Variants in MDN1 observed in about 807,000 individuals in gnomAD.
The protein encoded by MDN1 is midasin.
A neutral mutation model predicts 669.2 loss-of-function variants in MDN1; 266 were observed. The observed-to-expected ratio is 0.40, with a 90% CI of 0.36 to 0.44. The LOEUF (loss-of-function observed/expected upper bound fraction) is 0.44. Ranked by LOEUF, MDN1 falls within the 20% of genes least tolerant of loss-of-function variation. The pLI is 1.00. For missense variants in MDN1, 5,940 were observed against 6,754.0 expected, an observed-to-expected ratio of 0.88 and a Z score of 4.22; for synonymous variants, 2,385 against 2,457.1, an observed-to-expected ratio of 0.97 and a Z score of 0.87.
intron 15 of MDN1, among the ~76,000 whole-genome samples, chr6:89,764,415 G>A (rs1322987457): frequency 2.0e-5 from 3 of 152,078 alleles, no homozygotes; most frequent in Admixed American, 6.5e-5. Flanking sequence ...CACCACCGTG[G>A]GCAACATGGT....
Position 89,712,072 on chromosome 6 carries a change from G to A in MDN1, c.7615C>T (p.Leu2539Phe). 1 of 1,614,116 alleles carries A rather than the reference G, an allele frequency of 6.2e-7. No homozygotes were observed. Among genetic ancestry groups the A allele is most frequent in the Non-Finnish European group, 8.5e-7 (1 of 1,179,998 alleles). Residue 2539 changes from leucine to phenylalanine, a missense_variant, in exon 49 of 102, where the codon CTT becomes TTT. Physicochemically the swap from Leu to Phe is conservative, Grantham distance 22. Transcript: ENST00000369393. ...GGTATATTCTTGGCTAAATGATAAA[G>A]CCATTTAACTCTGAGCATCCAATCC... The part of the protein sequence containing the change: ...NQDWMLRVKW[L>F]YHLAKNIPQG...
chr6:89,743,712 C>T lies in MDN1; in HGVS notation c.4181G>A (p.Cys1394Tyr), dbSNP rs180858298. ...EPVLLVGDTG[C>Y]GKTTICQVFA... ...TACCTGACAGATAGTAGTTTTCCCA[C>T]ACCTGTTAGAGATGTGCAACTGATT... The change falls in exon 30 of 102, where the codon TGT (cysteine) becomes TAT (tyrosine). Residue 1394 changes from cysteine to tyrosine, a missense_variant and splice_region_variant. Cys to Tyr is a radical substitution (Grantham distance 194). Around this residue, in one of 5 missense-constraint regions of MDN1, gnomAD observed 2,292 missense variants for 2,638.3 expected, o/e 0.87. Transcript: ENST00000369393. The T allele has an allele frequency of 6.2e-7, 1 of 1,613,766 alleles. No individual in the cohort carries two copies. The highest frequency in any genetic ancestry group is 1.7e-5 in the Admixed American group (1 of 59,962).
At chr6:89,742,753 G>T (rs1445879872) in intron 31 of MDN1, among the ~76,000 whole-genome samples, 1 of 152,130 alleles carries the variant, frequency 6.6e-6, no homozygotes, top group Non-Finnish European at 1.5e-5. Flanking sequence ...AAAATATTAA[G>T]AGAGTAGGGA....
At position 89,658,761 on chromosome 6, in the gene MDN1, A is replaced by G; in HGVS notation, c.14870T>C (p.Met4957Thr). 1 of 1,613,780 alleles carries G rather than the reference A, an allele frequency of 6.2e-7. No individual in the cohort carries two copies. Among genetic ancestry groups the G allele is most frequent in the Non-Finnish European group, 8.5e-7 (1 of 1,179,956 alleles). The change falls in exon 89 of 102, where the codon ATG becomes ACG. Residue 4957 changes from methionine (M) to threonine (T), a missense_variant. By Grantham distance (81) the Met-to-Thr change is moderately conservative. Transcript: ENST00000369393. ...ATCTTGGTCATCAGCTCCTGTGTCC[A>G]TTTCCTCTTCCCCTTCTGCCTTGTC... ...EDDKAEGEEE[M>T]DTGADDQDGD...
At position 89,715,821 on chromosome 6, in the gene MDN1, T is replaced by G; in HGVS notation, c.6744-52A>C. ...ATAGGCTGACATGCTGCATTGACTCTTCTTTCCTTCCATGCACGGGGCTCC... is the reference window on the plus strand; with the variant it reads ...ATAGGCTGACATGCTGCATTGACTCGTCTTTCCTTCCATGCACGGGGCTCC... On this transcript the variant is annotated intron_variant, in intron 44 of 101. Transcript: ENST00000369393. 2.5e-6 allele frequency: 3 copies of G among 1,199,020 alleles called. No homozygotes were observed. The South Asian group carries it at 3.6e-5, about 15-fold the overall frequency. 74.3% of individuals were successfully genotyped at this position (1,199,020 alleles called of 1,614,324 possible).
At position 89,712,250 on chromosome 6, in the gene MDN1, C is replaced by G; in HGVS notation, c.7437G>C (p.Gln2479His). The change falls in exon 49 of 102, where the codon CAG (glutamine) becomes CAC (histidine). Residue 2479 changes from glutamine (Q) to histidine (H), a missense_variant. Gln to His is a conservative substitution (Grantham distance 24). Around this residue, in one of 5 missense-constraint regions of MDN1, gnomAD observed 2,292 missense variants for 2,638.3 expected, o/e 0.87. Coordinates refer to ENST00000369393, the MANE Select transcript of MDN1 (RefSeq NM_014611.3). ...TCTCTAAGTCTTGCAAGGTAAAAGG[C>G]TGACTCCTGAAATTCATTTGAATGA... Reference protein sequence around the residue: ...SMKTSSWTRSQPFTLQDLEKI... With the variant: ...SMKTSSWTRSHPFTLQDLEKI... 6.2e-7 allele frequency: 1 copy of G among 1,612,988 alleles called. No homozygotes were observed. The highest frequency in any genetic ancestry group is 8.5e-7 in the Non-Finnish European group (1 of 1,179,280).
intron 1 of MDN1, chr6:89,815,076 C>G: frequency 2.2e-6 from 1 of 462,580 alleles, no homozygotes; most frequent in Non-Finnish European, 4.2e-6. Context: ...GTCTCCCCAA[C>G]TCACAGCCTG....
Position 89,692,823 on chromosome 6 carries a change from A to C in MDN1, c.10207T>G (p.Ser3403Ala). The C allele has an allele frequency of 1.2e-6, 2 of 1,614,220 alleles. No individual in the cohort carries two copies. The highest frequency in any genetic ancestry group is 1.7e-6 in the Non-Finnish European group (2 of 1,180,042). Residue 3403 changes from serine to alanine, a missense_variant, in exon 63 of 102, where the codon TCC becomes GCC. Ser to Ala is a moderately conservative substitution (Grantham distance 99, BLOSUM62 1). Transcript: ENST00000369393. ...YPDAVSPLQA[S>A]ILQLQHGMRL... ...ATGCCATGTTGTAACTGCAATATGG[A>C]TGCCTGCAGTGGGCTCACGGCATCT...
At chr6:89,702,187 A>G (rs1813205430) in intron 53 of MDN1, 126 bp from the exon 54 acceptor site, 1 of 880,244 alleles carries the variant, frequency 1.1e-6, no homozygotes, top group African/African-American at 1.7e-5. Context: ...CATAGGCTAT[A>G]ATTGCTAATC....
At position 89,701,996 on chromosome 6, in the gene MDN1, G is replaced by C; in HGVS notation, c.8214C>G (p.Ala2738=). 5 of 1,613,730 alleles carry C rather than the reference G, an allele frequency of 3.1e-6. No individual in the cohort carries two copies. Among genetic ancestry groups the C allele is most frequent in the Non-Finnish European group, 4.2e-6 (5 of 1,179,756 alleles). Reference sequence around the variant, plus strand: ...GGAGGGCAAGAAGGGCCAGACCTGGGGCATCTACTTTTACTGTGTCGGCCA... The same window carrying C: ...GGAGGGCAAGAAGGGCCAGACCTGGCGCATCTACTTTTACTGTGTCGGCCA... The part of the protein sequence containing the change: ...WTVADTVKVD[A]PGLALLALHW... Residue 2738 remains alanine (A), a synonymous_variant, in exon 54 of 102, where the codon GCC becomes GCG. Transcript: ENST00000369393.
intron 31 of MDN1, among the ~76,000 whole-genome samples, chr6:89,740,624 T>C (rs1414237191): frequency 6.6e-6 from 1 of 152,160 alleles, no homozygotes; most frequent in Non-Finnish European, 1.5e-5. Flanking sequence ...GTCTTAAAAA[T>C]GAATAACTTA....
intron 2 of MDN1, among the ~76,000 whole-genome samples, chr6:89,798,952 A>G (rs1403900639): frequency 6.6e-6 from 1 of 152,228 alleles, no homozygotes; most frequent in African/African-American, 2.4e-5. Context: ...AAGAAAAAGG[A>G]AAATAGGTAT....
chr6:89,757,643 C>A (rs975367947), intron 19 of MDN1, among the ~76,000 whole-genome samples: 2 of 152,142 alleles, frequency 1.3e-5, no homozygotes, highest in Admixed American at 1.3e-4. Flanking sequence ...AATCTAAAAA[C>A]GAAGTCTTGG....
In MDN1 at chr6:89,797,528, C is replaced by T. The variant is rs563554511; in HGVS notation, c.330-2727G>A. On this transcript the variant is annotated intron_variant, in intron 2 of 101. Transcript: ENST00000369393. ...GCAACCCCTGGGCTGGGATGATTCACGTTCCTGGTGGAGGCAGGGGAGCCC... is the reference window on the plus strand; with the variant it reads ...GCAACCCCTGGGCTGGGATGATTCATGTTCCTGGTGGAGGCAGGGGAGCCC... The T allele has an allele frequency of 2.3e-4, 68 of 290,466 alleles. No individual in the cohort carries two copies. In the Admixed American group the frequency reaches 2.4e-3, roughly 10 times the overall value. 18.0% of individuals were successfully genotyped at this position (290,466 alleles called of 1,614,324 possible).
chr6:89,674,115 G>A lies in MDN1; in HGVS notation c.13236C>T (p.Leu4412=). 1 of 1,613,852 alleles carries A rather than the reference G, an allele frequency of 6.2e-7. No homozygotes were observed. The highest frequency in any genetic ancestry group is 8.5e-7 in the Non-Finnish European group (1 of 1,179,774). ...DKIRQQSCET[L]FHSWKDFEVC... Reference sequence around the variant, plus strand: ...ATAGACACACTTACCAAGAATGAAAGAGAGTCTCACAAGACTGCTGTCTAA... The same window carrying A: ...ATAGACACACTTACCAAGAATGAAAAAGAGTCTCACAAGACTGCTGTCTAA... Residue 4412 remains leucine, a synonymous_variant, in exon 79 of 102, where the codon CTC becomes CTT. Coordinates refer to ENST00000369393, the MANE Select transcript of MDN1 (RefSeq NM_014611.3).
chr6:89,811,416 T>C lies in MDN1; in HGVS notation c.103-7862A>G, dbSNP rs577118330. On this transcript the variant is annotated intron_variant, in intron 1 of 101. Transcript: ENST00000369393. ...ATTGTAGGAAATAAAAACAGGACAATGAATGTTAAAGGATTTACTTCTTTT... is the reference window on the plus strand; with the variant it reads ...ATTGTAGGAAATAAAAACAGGACAACGAATGTTAAAGGATTTACTTCTTTT... 5.9e-5 allele frequency among the ~76,000 whole-genome samples: 9 copies of C among 152,148 alleles called. No homozygotes were observed. The East Asian group carries it at 1.7e-3, about 29-fold the overall frequency.
intron 19 of MDN1, 104 bp from the exon 20 acceptor site, chr6:89,756,494 C>T (rs999308036): frequency 8.7e-6 from 5 of 574,186 alleles, no homozygotes; most frequent in Non-Finnish European, 1.5e-5. Flanking sequence ...ATTTTAACTG[C>T]TTGTAGTATA....
intron 94 of MDN1, 22 bp downstream of exon 94, chr6:89,652,970 A>C: frequency 6.2e-7 from 1 of 1,606,436 alleles, no homozygotes; most frequent in Non-Finnish European, 8.5e-7. Context: ...ATATTAATGC[A>C]GTAATTTGTG....
At chr6:89,708,368 C>A (rs1398580119) in intron 51 of MDN1, 128 bp downstream of exon 51, 1 of 1,183,486 alleles carries the variant, frequency 8.4e-7, no homozygotes, top group African/African-American at 1.5e-5. Context: ...GCAATCATGT[C>A]CAACACCCCA....
Sources: allele counts gnomAD v4.1 joint callset (sites outside exome capture counted in the v4.1 genomes callset), GRCh38; gene constraint gnomAD v4.1.1; regional missense constraint gnomAD v4.1.1; transcripts MANE v1.5; gene names NCBI Gene and HGNC (gene_info 2026-07-23, HGNC 2026-07-21).